Variants in PRB2 observed in about 807,000 individuals in gnomAD.
PRB2 encodes the protein proline rich protein BstNI subfamily 2, also known as basic salivary proline-rich protein 2.
Under a neutral mutation model 8.3 loss-of-function variants are expected in PRB2, and 12 were observed. The ratio of observed to expected loss-of-function variants is 1.45; its 90% CI spans 0.93 to 2.35. PRB2 has a LOEUF of 2.35. Ranked by LOEUF, PRB2 falls within the 30% of genes most tolerant of loss-of-function variation. The pLI is 0.00. For synonymous variants in PRB2, 146 were observed against 180.0 expected (o/e 0.81, Z 1.51); for missense variants, 470 against 507.0 (o/e 0.93, Z 0.70).
chr12:11,394,357 A>G, intron 2 of PRB2, 138 bp downstream of exon 2: 2 of 1,105,928 alleles, frequency 1.8e-6, no homozygotes, highest in Non-Finnish European at 2.7e-6. Flanking sequence ...GGTTGCATGA[A>G]GAGTGCCTAT....
chr12:11,393,216 G>C lies in PRB2; in HGVS notation c.862C>G (p.Pro288Ala), dbSNP rs756300777. The C allele has an allele frequency of 3.8e-6, 6 of 1,567,596 alleles. No individual in the cohort carries two copies. Among genetic ancestry groups the C allele is most frequent in the African/African-American group, 1.6e-5 (1 of 61,524 alleles). ...PPPGKPQGPP[P>A]QGGSKSRSSR... ...CTTCGGGACTTGCTGCCTCCTTGTG[G>C]GGGTGGTCCTTGTGGCTTTCCTGGA... Residue 288 changes from proline (P) to alanine (A), a missense_variant, in exon 3 of 4, where the codon CCA (proline) becomes GCA (alanine). Physicochemically the swap from Pro to Ala is conservative, Grantham distance 27. Around this residue, in one of 4 missense-constraint regions of PRB2, gnomAD observed 205 missense variants for 195.0 expected, o/e 1.05. Coordinates refer to ENST00000389362, the MANE Select transcript of PRB2 (RefSeq NM_006248.4).
At position 11,393,841 on chromosome 12, in the gene PRB2, T is replaced by C; in HGVS notation, c.237A>G (p.Gln79=). The change falls in exon 3 of 4, where the codon CAA becomes CAG. Residue 79 remains glutamine, a synonymous_variant. Coordinates refer to ENST00000389362, the MANE Select transcript of PRB2 (RefSeq NM_006248.4). ...TGTTGCCTCCTTGTGGGGGTGGTCC[T>C]TGTGGCTTTCCTGGAGGAGGTGGGG... ...QGPPPPPGKP[Q]GPPPQGGNKP... is the part of the protein sequence containing the mutation. 1 of 1,493,640 alleles carries C rather than the reference T, an allele frequency of 6.7e-7. No homozygotes were observed. The highest frequency in any genetic ancestry group is 1.2e-5 in the South Asian group (1 of 84,208). The allele number at this position is 1,493,640 out of a possible 1,614,324, so 92.5% of individuals were successfully genotyped here. A position where few individuals can be genotyped will look rare whatever the true frequency, so the allele number is the denominator to read the frequency against.
intron 2 of PRB2, 73 bp downstream of exon 2, chr12:11,394,422 G>C (rs1416095815): frequency 1.3e-6 from 2 of 1,527,358 alleles, no homozygotes; most frequent in Non-Finnish European, 1.8e-6. Context: ...TTGATAAGAA[G>C]ACACTGGAGA....
At chr12:11,394,403 A>T (rs1357062123) in intron 2 of PRB2, 92 bp downstream of exon 2, 1 of 1,459,596 alleles carries the variant, frequency 6.9e-7, no homozygotes, top group Admixed American at 1.7e-5. Flanking sequence ...AATTCCCGAA[A>T]GGAAAGTTTT....
chr12:11,392,996 G>A lies in PRB2; in HGVS notation c.1082C>T (p.Ser361Phe). Residue 361 changes from serine to phenylalanine, a missense_variant, in exon 3 of 4, where the codon TCT becomes TTT. Transcript: ENST00000389362. Reference sequence around the variant, plus strand: ...TGGTCCTTGTGGCTTTCCTGGAGGAGATCGGGCACTTCGGGACTTGCTGCC... The same window carrying A: ...TGGTCCTTGTGGCTTTCCTGGAGGAAATCGGGCACTTCGGGACTTGCTGCC... The part of the protein sequence containing the change: ...QGGSKSRSAR[S>F]PPGKPQGPPQ... 3 of 1,612,976 alleles carry A rather than the reference G, an allele frequency of 1.9e-6. No homozygotes were observed. The highest frequency in any genetic ancestry group is 2.5e-6 in the Non-Finnish European group (3 of 1,179,720).
In PRB2 at chr12:11,394,419, G is replaced by A. The variant is rs536245781; in HGVS notation, c.100+76C>T. On this transcript the variant is annotated intron_variant, in intron 2 of 3. Coordinates refer to ENST00000389362, the MANE Select transcript of PRB2 (RefSeq NM_006248.4). Reference sequence around the variant, plus strand: ...ATTCCCGAAAGGAAAGTTTTGATAAGAAGACACTGGAGAACTGATCCATTC... The same window carrying A: ...ATTCCCGAAAGGAAAGTTTTGATAAAAAGACACTGGAGAACTGATCCATTC... The A allele has an allele frequency of 6.6e-6, 10 of 1,522,736 alleles. No homozygotes were observed. In the African/African-American group the frequency reaches 1.1e-4, roughly 17 times the overall value. The allele number at this position is 1,522,736 out of a possible 1,614,324, so 94.3% of individuals were successfully genotyped here.
At position 11,394,547 on chromosome 12, in the gene PRB2, G is replaced by A. The variant is rs1368429149; in HGVS notation, c.65-17C>T. On this transcript the variant is annotated splice_polypyrimidine_tract_variant and intron_variant, in intron 1 of 3. Coordinates refer to ENST00000389362, the MANE Select transcript of PRB2 (RefSeq NM_006248.4). Reference sequence around the variant, plus strand: ...GGCTGACATCTAGAAGAGAAGCACAGGATGATGGGAACAGTTACATCTTGA... The same window carrying A: ...GGCTGACATCTAGAAGAGAAGCACAAGATGATGGGAACAGTTACATCTTGA... 2 of 1,612,842 alleles carry A rather than the reference G, an allele frequency of 1.2e-6. No homozygotes were observed. The highest frequency in any genetic ancestry group is 8.5e-7 in the Non-Finnish European group (1 of 1,178,886).
chr12:11,391,877 C>T (rs1864330384), intron 3 of PRB2, among the ~76,000 whole-genome samples: 1 of 136,414 alleles, frequency 7.3e-6, no homozygotes, highest in African/African-American at 2.9e-5. Flanking sequence ...GAAGATCATT[C>T]TTAGCTTATT....
rs573862689 is a variant in PRB2, at chr12:11,393,685, A to T, written c.393T>A (p.Gly131=). Residue 131 remains glycine (G), a synonymous_variant, in exon 3 of 4, where the codon GGT becomes GGA. Coordinates refer to ENST00000389362, the MANE Select transcript of PRB2 (RefSeq NM_006248.4). ...PPPQGGNQPQ[G]PPPPPGKPQG... The stretch of plus-strand genomic sequence containing the variant: ...GTGGCTTTCCTGGAGGAGGTGGAGG[A>T]CCTTGAGGCTGGTTGCCTCCTTGTG... The T allele has an allele frequency of 1.9e-6, 3 of 1,547,984 alleles. No individual in the cohort carries two copies. In the African/African-American group the frequency reaches 5.0e-5, roughly 26 times the overall value.
chr12:11,394,158 A>G (rs1452387544), intron 2 of PRB2, among the ~76,000 whole-genome samples, 181 bp from the exon 3 acceptor site: 3 of 152,158 alleles, frequency 2.0e-5, no homozygotes, highest in South Asian at 2.1e-4. Flanking sequence ...GTGGAGCGCC[A>G]GGGAAGAACA....
chr12:11,392,987 C>T lies in PRB2; in HGVS notation c.1091G>A (p.Gly364Glu), dbSNP rs371867180. ...SKSRSARSPP[G>E]KPQGPPQQEG... Reference sequence around the variant, plus strand: ...TTGTTGGGGTGGTCCTTGTGGCTTTCCTGGAGGAGATCGGGCACTTCGGGA... The same window carrying T: ...TTGTTGGGGTGGTCCTTGTGGCTTTTCTGGAGGAGATCGGGCACTTCGGGA... Residue 364 changes from glycine to glutamate, a missense_variant, in exon 3 of 4, where the codon GGA becomes GAA. By Grantham distance (98) the Gly-to-Glu change is moderately conservative. Around this residue, in one of 4 missense-constraint regions of PRB2, gnomAD observed 205 missense variants for 195.0 expected, o/e 1.05. Transcript: ENST00000389362. 243 of 1,612,458 alleles carry T rather than the reference C, an allele frequency of 1.5e-4. 1 individual carries two copies. The African/African-American group carries it at 2.7e-3, about 18-fold the overall frequency.
In PRB2 at chr12:11,393,380, T is replaced by C. The variant is rs34305575; in HGVS notation, c.698A>G (p.Gln233Arg). The C allele has an allele frequency of 0.019, 27,828 of 1,468,666 alleles. 3,660 individuals are homozygous for C. The African/African-American group carries it at 0.29, about 15-fold the overall frequency. 91.0% of individuals were successfully genotyped at this position (1,468,666 alleles called of 1,614,324 possible). ...GPPPQGDNKS[Q>R]SARSPPGKPQ... ...CTTTCCTGGAGGAGATCGGGCACTT[T>C]GGGACTTGTTGTCTCCTTGTGGGGG... The change falls in exon 3 of 4, where the codon CAA (glutamine) becomes CGA (arginine). Residue 233 changes from glutamine to arginine, a missense_variant. Around this residue, in one of 4 missense-constraint regions of PRB2, gnomAD observed 205 missense variants for 195.0 expected, o/e 1.05. Coordinates refer to ENST00000389362, the MANE Select transcript of PRB2 (RefSeq NM_006248.4).
chr12:11,394,756 T>A (rs1864384726), intron 1 of PRB2, among the ~76,000 whole-genome samples: 2 of 152,128 alleles, frequency 1.3e-5, no homozygotes, highest in African/African-American at 4.8e-5. Context: ...AGCCCCTTTT[T>A]TCCCTCCCTA....
Position 11,393,246 on chromosome 12 carries a change from G to T in PRB2, c.832C>A (p.Pro278Thr). 1 of 1,387,408 alleles carries T rather than the reference G, an allele frequency of 7.2e-7. No homozygotes were observed. Among genetic ancestry groups the T allele is most frequent in the South Asian group, 1.3e-5 (1 of 79,212 alleles). The allele number at this position is 1,387,408 out of a possible 1,614,324, so 85.9% of individuals were successfully genotyped here. The change falls in exon 3 of 4, where the codon CCA becomes ACA. Residue 278 changes from proline to threonine, a missense_variant. Physicochemically the swap from Pro to Thr is conservative, Grantham distance 38. Coordinates refer to ENST00000389362, the MANE Select transcript of PRB2 (RefSeq NM_006248.4). ...GGTCCTTGTGGCTTTCCTGGAGGTG[G>T]GGGACCTTGAGGTTTGTTGCCTCCT... is the stretch of plus-strand genomic sequence containing the variant. Reference protein sequence around the residue: ...PQGGNKPQGPPPPGKPQGPPP... With the variant: ...PQGGNKPQGPTPPGKPQGPPP...
intron 1 of PRB2, among the ~76,000 whole-genome samples, chr12:11,395,215 A>G (rs939926359): frequency 1.3e-5 from 2 of 151,808 alleles, no homozygotes; most frequent in African/African-American, 4.9e-5. Context: ...CCTTCACAGC[A>G]CAGTTCTATC....
At position 11,393,960 on chromosome 12, in the gene PRB2, G is replaced by C. The variant is rs557434522; in HGVS notation, c.118C>G (p.Pro40Ala). ...TGAGGTTTGTTGCCTCCTTGTGGGG[G>C]TGCTCCTTGTGGATTTCCTGGAGAA... ...SLIAGNPQGAPPQGGNKPQGP... is the reference protein window; with the variant it reads ...SLIAGNPQGAAPQGGNKPQGP... The change falls in exon 3 of 4, where the codon CCC becomes GCC. Residue 40 changes from proline (P) to alanine (A), a missense_variant. This residue lies in a region of PRB2 where 211 missense variants were observed against 207.7 expected (regional missense o/e 1.02). Transcript: ENST00000389362. The C allele has an allele frequency of 1.3e-6, 2 of 1,587,782 alleles. No homozygotes were observed. Among genetic ancestry groups the C allele is most frequent in the East Asian group, 4.7e-5 (2 of 42,250 alleles).
At chr12:11,394,249 T>G (rs916390027) in intron 2 of PRB2, among the ~76,000 whole-genome samples, 2 of 152,126 alleles carry the variant, frequency 1.3e-5, no homozygotes, top group Non-Finnish European at 2.9e-5. Flanking sequence ...CAGCAGGCAC[T>G]CCTGGCCAGG....
At chr12:11,394,595 T>C in intron 1 of PRB2, 65 bp from the exon 2 acceptor site, 2 of 1,583,178 alleles carry the variant, frequency 1.3e-6, no homozygotes, top group Non-Finnish European at 1.7e-6. Context: ...TCACAAGTGT[T>C]CTACAGGGAA....
chr12:11,392,733 C>T (rs1864334032), intron 3 of PRB2, 61 bp downstream of exon 3: 2 of 969,900 alleles, frequency 2.1e-6, no homozygotes, highest in African/African-American at 2.6e-5. Context: ...TTCATTGGCA[C>T]AATAAAGCTG....
Sources: allele counts gnomAD v4.1 joint callset (sites outside exome capture counted in the v4.1 genomes callset), GRCh38; gene constraint gnomAD v4.1.1; regional missense constraint gnomAD v4.1.1; transcripts MANE v1.5; gene names NCBI Gene and HGNC (gene_info 2026-07-23, HGNC 2026-07-21).